The following MAPK10 variants were observed in gnomAD, a reference collection of about 807,000 sequenced individuals.
MAPK10 encodes JNK3 alpha protein kinase.
A neutral mutation model predicts 59.3 loss-of-function variants in MAPK10; 25 were observed. That is an observed-to-expected ratio of 0.42 (90% confidence interval 0.31 to 0.59). The LOEUF is 0.59. Ranked by LOEUF, MAPK10 falls within the 20% of genes least tolerant of loss-of-function variation. The pLI is 0.15. For synonymous variants in MAPK10, 190 were observed against 200.5 expected, an observed-to-expected ratio of 0.95 and a Z score of 0.44; for missense variants, 351 against 568.9, an observed-to-expected ratio of 0.62 and a Z score of 3.90.
intron 2 of MAPK10, among the ~76,000 whole-genome samples, chr4:86,336,136 T>C (rs1473757125): frequency 2.0e-5 from 3 of 152,162 alleles, no homozygotes; most frequent in Admixed American, 1.3e-4. Context: ...AACAAGGAAA[T>C]GTCTTGGGAA....
chr4:86,425,050 G>A (rs1465655243), intron 1 of MAPK10, among the ~76,000 whole-genome samples: 5 of 152,242 alleles, frequency 3.3e-5, no homozygotes, highest in African/African-American at 1.2e-4. Context: ...TCAAGAGGAA[G>A]AAGTATAACC....
At chr4:86,158,165 A>C (rs562080865) in intron 4 of MAPK10, among the ~76,000 whole-genome samples, 1 of 151,662 alleles carries the variant, frequency 6.6e-6, no homozygotes, top group African/African-American at 2.4e-5. Flanking sequence ...CAAACTTTAA[A>C]ACATTTAAAA....
intron 2 of MAPK10, among the ~76,000 whole-genome samples, chr4:86,282,494 C>T (rs186943144): frequency 2.0e-5 from 3 of 151,972 alleles, no homozygotes; most frequent in East Asian, 1.9e-4. Context: ...AAAGTAGAAA[C>T]GCCAATGGAG....
rs1003549686 is a variant in MAPK10, at chr4:86,010,886, T to A, written c.*6342A>T. 3.3e-5 allele frequency: 5 copies of A among 152,192 alleles called. No individual in the cohort carries two copies. The highest frequency in any genetic ancestry group is 5.9e-5 in the Non-Finnish European group (4 of 68,028). 9.4% of individuals were successfully genotyped at this position (152,192 alleles called of 1,614,324 possible). A position where few individuals can be genotyped will look rare whatever the true frequency, so the allele number is the denominator to read the frequency against. Reference sequence around the variant, plus strand: ...TTGAGTTGCAAATGATCTGGACTGTTGGTTAAACATCGCAGACAAGATCAG... The same window carrying A: ...TTGAGTTGCAAATGATCTGGACTGTAGGTTAAACATCGCAGACAAGATCAG... On this transcript the variant is annotated 3_prime_UTR_variant, in exon 14 of 14. Coordinates refer to ENST00000641462, the MANE Select transcript of MAPK10 (RefSeq NM_138982.4).
intron 11 of MAPK10, among the ~76,000 whole-genome samples, chr4:86,058,090 TA>T (rs1379193428): frequency 2.0e-5 from 3 of 149,782 alleles, no homozygotes; most frequent in Middle Eastern, 3.4e-3. Context: ...GTTGGTATAG[TA>T]CTTGCGATGT....
chr4:86,552,368 C>T (rs1288105710), intron 1 of MAPK10, among the ~76,000 whole-genome samples: 1 of 150,942 alleles, frequency 6.6e-6, no homozygotes, highest in Non-Finnish European at 1.5e-5. Context: ...CTGCAGTGAG[C>T]CAAGACTGCA....
intron 2 of MAPK10, chr4:86,267,995 T>C (rs1483477258): frequency 6.6e-6 from 1 of 152,224 alleles, no homozygotes; most frequent in Non-Finnish European, 1.5e-5. Flanking sequence ...TCCTAACACC[T>C]AGGCCAGTGG....
At position 86,397,880 on chromosome 4, in the gene MAPK10, A is replaced by C. The variant is rs529974311; in HGVS notation, c.-121-43236T>G. 4.7e-3 allele frequency among the ~76,000 whole-genome samples: 718 copies of C among 151,420 alleles called. 13 individuals are homozygous for C. The highest frequency in any genetic ancestry group is 0.016 in the African/African-American group (645 of 41,298). On this transcript the variant is annotated intron_variant, in intron 1 of 13. Coordinates refer to the MAPK10 transcript ENST00000361569. ...CTGCTATGGCAAAAAAAAAAAAAAAAAAAAAAAAAACTGGCTTTTTCTCTG... is the reference window on the plus strand; with the variant it reads ...CTGCTATGGCAAAAAAAAAAAAAAACAAAAAAAAAACTGGCTTTTTCTCTG...
chr4:86,304,524 C>T (rs1196710319), intron 2 of MAPK10, among the ~76,000 whole-genome samples: 2 of 151,174 alleles, frequency 1.3e-5, no homozygotes, highest in African/African-American at 4.9e-5. Flanking sequence ...TCCCGAGTAG[C>T]TGGGACTACA....
intron 2 of MAPK10, among the ~76,000 whole-genome samples, chr4:86,204,416 T>C (rs79849016): frequency 0.085 from 12,891 of 151,952 alleles, 1,212 homozygotes; most frequent in African/African-American, 0.23. Context: ...CAAAATAGTA[T>C]GATTTGCAAC....
chr4:86,485,650 G>A (rs1452083468), intron 1 of MAPK10, among the ~76,000 whole-genome samples: 1 of 152,224 alleles, frequency 6.6e-6, no homozygotes, highest in South Asian at 2.1e-4. Flanking sequence ...TGGAAAGACA[G>A]TAGATGGTAT....
chr4:86,219,766 AT>A (rs2088960340), intron 2 of MAPK10: 1 of 152,090 alleles, frequency 6.6e-6, no homozygotes, highest in Non-Finnish European at 1.5e-5. Context: ...AATATTCTAT[AT>A]TTTTCAGGTA....
chr4:86,431,388 A>C (rs1203935015), intron 1 of MAPK10, among the ~76,000 whole-genome samples: 1 of 152,252 alleles, frequency 6.6e-6, no homozygotes, highest in African/African-American at 2.4e-5. Context: ...TAAAATATTG[A>C]CAACATTGAG....
At chr4:86,520,524 T>A (rs1193292477) in intron 1 of MAPK10, among the ~76,000 whole-genome samples, 1 of 151,840 alleles carries the variant, frequency 6.6e-6, no homozygotes, top group Non-Finnish European at 1.5e-5. Flanking sequence ...TATCCTGTAT[T>A]TTTTTTTAAT....
intron 2 of MAPK10, among the ~76,000 whole-genome samples, chr4:86,324,129 G>A (rs552176669): frequency 2.5e-4 from 38 of 152,178 alleles, no homozygotes; most frequent in Admixed American, 3.3e-4. Flanking sequence ...AGTTTAGGTC[G>A]GGCGTACTGG....
chr4:86,274,073 G>A (rs903009848), intron 2 of MAPK10, among the ~76,000 whole-genome samples: 38 of 151,948 alleles, frequency 2.5e-4, no homozygotes, highest in Non-Finnish European at 3.5e-4. Context: ...GAAAACACTA[G>A]TCTTCATAAA....
At chr4:86,064,440 G>A in intron 10 of MAPK10, 50 bp from the exon 11 acceptor site, 1 of 1,592,682 alleles carries the variant, frequency 6.3e-7, no homozygotes, top group Non-Finnish European at 8.6e-7. Context: ...ATTTCAGTAA[G>A]GAAATTTGTC....
At chr4:86,492,238 A>G (rs1564944193) in intron 1 of MAPK10, among the ~76,000 whole-genome samples, 1 of 152,230 alleles carries the variant, frequency 6.6e-6, no homozygotes, top group Non-Finnish European at 1.5e-5. Context: ...AGAAGGAATG[A>G]TAAGAGTTAG....
At chr4:86,404,892 A>G (rs1487948217) in intron 1 of MAPK10, among the ~76,000 whole-genome samples, 1 of 152,194 alleles carries the variant, frequency 6.6e-6, no homozygotes, top group Non-Finnish European at 1.5e-5. Flanking sequence ...TACATATAAC[A>G]TAATATAATA....
Sources: allele counts gnomAD v4.1 joint callset (sites outside exome capture counted in the v4.1 genomes callset), GRCh38; gene constraint gnomAD v4.1.1; transcripts MANE v1.5; gene names NCBI Gene and HGNC (gene_info 2026-07-23, HGNC 2026-07-21).